The following SPAG17 variants were observed in gnomAD, a reference collection of about 807,000 sequenced individuals.
The protein encoded by SPAG17 is sperm associated antigen 17, also known as sperm-associated antigen 17.
SPAG17 carries 169 observed loss-of-function variants against 273.6 expected under a neutral mutation model. The ratio of observed to expected loss-of-function variants is 0.62; its 90% CI spans 0.55 to 0.70. The LOEUF is 0.70. Among genes scored for constraint, SPAG17 ranks in the 30% least tolerant of loss-of-function variants. The pLI is 0.00. For synonymous variants in SPAG17, 825 were observed against 873.2 expected, an observed-to-expected ratio of 0.94 and a Z score of 0.97; for missense variants, 2,557 against 2,627.8, an observed-to-expected ratio of 0.97 and a Z score of 0.59.
chr1:118,150,168 C>T (rs2102347476), intron 3 of SPAG17, among the ~76,000 whole-genome samples: 1 of 152,250 alleles, frequency 6.6e-6, no homozygotes, highest in African/African-American at 2.4e-5. Flanking sequence ...TTTCGAGAAA[C>T]TAACACTTTG....
chr1:117,969,405 C>T (rs1654293715), intron 46 of SPAG17, among the ~76,000 whole-genome samples: 1 of 151,938 alleles, frequency 6.6e-6, no homozygotes, highest in African/African-American at 2.4e-5. Flanking sequence ...ATGGTGAAAC[C>T]CTGTCTCTAC....
intron 3 of SPAG17, among the ~76,000 whole-genome samples, chr1:118,117,174 T>C (rs1657137277): frequency 2.6e-5 from 4 of 152,348 alleles, no homozygotes; most frequent in African/African-American, 9.6e-5. Context: ...TTAAAGGTCA[T>C]GGCAGTCTAG....
chr1:118,178,114 C>G (rs767332276), intron 1 of SPAG17, among the ~76,000 whole-genome samples: 2 of 152,000 alleles, frequency 1.3e-5, no homozygotes, highest in Admixed American at 1.3e-4. Context: ...GAAACAACAA[C>G]GTAAAAGGCT....
chr1:118,070,979 A>G (rs2102085939), intron 17 of SPAG17, among the ~76,000 whole-genome samples: 1 of 152,168 alleles, frequency 6.6e-6, no homozygotes, highest in African/African-American at 2.4e-5. Context: ...CTCTCAAAAC[A>G]CTGACAGGAA....
chr1:118,181,756 T>C (rs1660960751), intron 1 of SPAG17, among the ~76,000 whole-genome samples: 1 of 152,124 alleles, frequency 6.6e-6, no homozygotes, highest in African/African-American at 2.4e-5. Flanking sequence ...GAAATGGAAA[T>C]CCTTGTACAT....
intron 20 of SPAG17, among the ~76,000 whole-genome samples, chr1:118,046,494 ATTAAGT>A (rs1317167698): frequency 6.6e-6 from 1 of 152,228 alleles, no homozygotes; most frequent in South Asian, 2.1e-4. Context: ...AAAATATTTC[ATTAAGT>A]TTAGATTTTA....
Position 118,170,911 on chromosome 1 carries a change from G to A in SPAG17, c.87+14160C>T, listed in dbSNP as rs191433574. On this transcript the variant is annotated intron_variant, in intron 1 of 48. Coordinates refer to ENST00000336338, the MANE Select transcript of SPAG17 (RefSeq NM_206996.4). ...GACTAGAAAGAGCAGAAGCAGGCAG[G>A]CTAATTAGACTTTGCTCAAAGGGAT... Among the ~76,000 whole-genome samples, 27 of 152,298 alleles carry A rather than the reference G, an allele frequency of 1.8e-4. No individual in the cohort carries two copies. In the East Asian group the frequency reaches 4.2e-3, roughly 24 times the overall value.
intron 3 of SPAG17, among the ~76,000 whole-genome samples, chr1:118,124,061 T>C (rs1016469228): frequency 6.6e-6 from 1 of 152,112 alleles, no homozygotes; most frequent in Non-Finnish European, 1.5e-5. Context: ...TATTAAGGAG[T>C]GTTTTTGTTT....
Position 118,099,759 on chromosome 1 carries a change from C to G in SPAG17, c.676G>C (p.Val226Leu), listed in dbSNP as rs762974662. The G allele has an allele frequency of 6.2e-7, 1 of 1,613,204 alleles. No individual in the cohort carries two copies. Among genetic ancestry groups the G allele is most frequent in the East Asian group, 2.2e-5 (1 of 44,868 alleles). Residue 226 changes from valine (V) to leucine (L), a missense_variant, in exon 6 of 49, where the codon GTG becomes CTG. By Grantham distance (32) the Val-to-Leu change is conservative. Coordinates refer to ENST00000336338, the MANE Select transcript of SPAG17 (RefSeq NM_206996.4). ...AATAGCTGAGGATTGTTAAAGCCCACAACTATAATGTAATGTTGGGCACCA... is the reference window on the plus strand; with the variant it reads ...AATAGCTGAGGATTGTTAAAGCCCAGAACTATAATGTAATGTTGGGCACCA... ...DDGAQHYIIV[V>L]GFNNPQLLAI...
intron 45 of SPAG17, 71 bp from the exon 46 acceptor site, chr1:117,970,187 T>G: frequency 6.8e-7 from 1 of 1,469,184 alleles, no homozygotes; most frequent in Admixed American, 2.0e-5. Context: ...AGCTGGGATG[T>G]TATAAAATAA....
intron 1 of SPAG17, among the ~76,000 whole-genome samples, chr1:118,158,500 T>C (rs1659763790): frequency 6.6e-6 from 1 of 152,226 alleles, no homozygotes; most frequent in African/African-American, 2.4e-5. Context: ...ACTGCAAATA[T>C]TAATCTGATC....
At chr1:118,050,872 C>A (rs1004944695) in intron 20 of SPAG17, among the ~76,000 whole-genome samples, 19 of 151,700 alleles carry the variant, frequency 1.3e-4, no homozygotes, top group Non-Finnish European at 2.2e-4. Context: ...GCACAGGCAA[C>A]AAAAACAAAA....
intron 20 of SPAG17, among the ~76,000 whole-genome samples, chr1:118,044,600 T>C (rs1014698873): frequency 6.6e-6 from 1 of 152,228 alleles, no homozygotes; most frequent in African/African-American, 2.4e-5. Context: ...TCAGAGTTGA[T>C]ACGGCTTGGA....
intron 1 of SPAG17, among the ~76,000 whole-genome samples, chr1:118,182,265 A>G (rs1330249375): frequency 6.6e-6 from 1 of 152,198 alleles, no homozygotes; most frequent in Non-Finnish European, 1.5e-5. Flanking sequence ...AAGAAAGTAC[A>G]ATGGCAGCTT....
At chr1:117,969,920 G>T in intron 46 of SPAG17, 136 bp downstream of exon 46, 1 of 739,122 alleles carries the variant, frequency 1.4e-6, no homozygotes. Context: ...TTTTGCTTAT[G>T]ATATTAAAAA....
intron 3 of SPAG17, among the ~76,000 whole-genome samples, chr1:118,143,138 G>A (rs1370814898): frequency 6.6e-6 from 1 of 152,180 alleles, no homozygotes; most frequent in African/African-American, 2.4e-5. Context: ...ATCATCTGCA[G>A]ATATACCTTC....
chr1:118,128,887 G>A (rs533845841), intron 3 of SPAG17, among the ~76,000 whole-genome samples: 7 of 152,272 alleles, frequency 4.6e-5, no homozygotes, highest in African/African-American at 1.7e-4. Flanking sequence ...ACAGCTCCAT[G>A]GGTGGGCCCC....
chr1:118,014,038 T>A (rs1220874238), intron 29 of SPAG17, among the ~76,000 whole-genome samples: 1 of 152,212 alleles, frequency 6.6e-6, no homozygotes, highest in Non-Finnish European at 1.5e-5. Flanking sequence ...CATTTTCAAT[T>A]TTGTTTCATA....
chr1:118,138,714 T>A (rs1320672860), intron 3 of SPAG17, among the ~76,000 whole-genome samples: 2 of 152,198 alleles, frequency 1.3e-5, no homozygotes, highest in Non-Finnish European at 2.9e-5. Context: ...ACTGAATTAC[T>A]ACCGTTAAAA....
Sources: gnomAD v4.1 joint callset for allele counts (sites outside exome capture counted in the v4.1 genomes callset) on GRCh38, gnomAD v4.1.1 for gene constraint, MANE v1.5 for transcripts, NCBI Gene and HGNC (gene_info 2026-07-23, HGNC 2026-07-21) for gene names.